NTM: variants seen among roughly 807,000 people sequenced by gnomAD.
NTM encodes the protein IgLON family member 2.
Under a neutral mutation model 42.1 loss-of-function variants are expected in NTM, and 13 were observed. That is an observed-to-expected ratio of 0.31 (90% confidence interval 0.20 to 0.49). NTM has a LOEUF of 0.49. Among genes scored for constraint, NTM ranks in the 20% least tolerant of loss-of-function variants. The pLI is 0.99. For synonymous variants in NTM, 187 were observed against 179.2 expected (o/e 1.04, Z -0.35); for missense variants, 373 against 452.8 (o/e 0.82, Z 1.60).
At chr11:132,233,796 T>A (rs1167658372) in intron 4 of NTM, among the ~76,000 whole-genome samples, 3 of 152,230 alleles carry the variant, frequency 2.0e-5, no homozygotes, top group Admixed American at 1.3e-4. Context: ...TGAACACTGT[T>A]ATTAAAATTC....
At chr11:131,914,859 T>C (rs1329316445) in intron 2 of NTM, among the ~76,000 whole-genome samples, 4 of 152,198 alleles carry the variant, frequency 2.6e-5, no homozygotes, top group Non-Finnish European at 1.5e-5. Flanking sequence ...TTTAATAATA[T>C]CTCACCTATC....
At chr11:132,286,416 G>C (rs902001942) in intron 4 of NTM, among the ~76,000 whole-genome samples, 9 of 152,152 alleles carry the variant, frequency 5.9e-5, no homozygotes, top group African/African-American at 1.7e-4. Flanking sequence ...CTGAATGAAG[G>C]ATTGAAAGAT....
At chr11:131,379,327 A>G (rs1256587925) in intron 1 of NTM, among the ~76,000 whole-genome samples, 1 of 152,216 alleles carries the variant, frequency 6.6e-6, no homozygotes, top group Non-Finnish European at 1.5e-5. Flanking sequence ...TCAGGAAGAC[A>G]GGAGGATGGG....
At chr11:131,893,189 G>T (rs1471998651) in intron 1 of NTM, among the ~76,000 whole-genome samples, 1 of 152,108 alleles carries the variant, frequency 6.6e-6, no homozygotes, top group Non-Finnish European at 1.5e-5. Flanking sequence ...AATTATTTTG[G>T]GTGCTCAATT....
intron 2 of NTM, among the ~76,000 whole-genome samples, chr11:131,926,175 C>T (rs547682884): frequency 2.0e-5 from 3 of 152,240 alleles, no homozygotes; most frequent in South Asian, 2.1e-4. Flanking sequence ...AGGCATTCCT[C>T]GCTGACGATG....
chr11:131,598,571 A>G (rs966022113), intron 1 of NTM, among the ~76,000 whole-genome samples: 3 of 152,018 alleles, frequency 2.0e-5, no homozygotes, highest in Non-Finnish European at 4.4e-5. Context: ...TCCATTAGTC[A>G]CTGGGGTCCC....
intron 2 of NTM, among the ~76,000 whole-genome samples, chr11:131,971,009 C>T (rs1207916823): frequency 1.3e-5 from 2 of 152,138 alleles, no homozygotes; most frequent in African/African-American, 4.8e-5. Flanking sequence ...TTCCAATTCC[C>T]CTCTAACCCA....
At chr11:132,082,729 G>A (rs188225209) in intron 2 of NTM, among the ~76,000 whole-genome samples, 7 of 152,344 alleles carry the variant, frequency 4.6e-5, no homozygotes, top group Middle Eastern at 3.4e-3. Flanking sequence ...CTGACAGGGG[G>A]CACTGTTTGG....
chr11:131,661,104 C>G, intron 1 of NTM: 3 of 1,237,794 alleles, frequency 2.4e-6, no homozygotes, highest in Admixed American at 2.3e-5. Context: ...GGGTCTTCCC[C>G]CTAGATTCGG....
chr11:132,232,598 C>G (rs1321897743), intron 4 of NTM, among the ~76,000 whole-genome samples: 1 of 152,194 alleles, frequency 6.6e-6, no homozygotes, highest in Non-Finnish European at 1.5e-5. Context: ...TGACTCTTAA[C>G]AAACCAATTA....
chr11:132,007,065 G>T (rs2070960673), intron 2 of NTM, among the ~76,000 whole-genome samples: 1 of 152,160 alleles, frequency 6.6e-6, no homozygotes, highest in African/African-American at 2.4e-5. Flanking sequence ...CTGCCCCACT[G>T]GGGGTTCCTG....
At chr11:131,802,762 G>C (rs7924373) in intron 1 of NTM, among the ~76,000 whole-genome samples, 2,358 of 152,322 alleles carry the variant, frequency 0.015, 46 homozygotes, top group African/African-American at 0.053. Flanking sequence ...CAAATAGTCA[G>C]AGCCTGAGAA....
chr11:132,129,081 C>T (rs908782404), intron 2 of NTM, among the ~76,000 whole-genome samples: 5 of 151,750 alleles, frequency 3.3e-5, no homozygotes, highest in Non-Finnish European at 7.4e-5. Context: ...TAGAAAGTGC[C>T]GCTGGAAAAG....
chr11:132,018,787 G>A (rs571426431), intron 2 of NTM, among the ~76,000 whole-genome samples: 1 of 152,116 alleles, frequency 6.6e-6, no homozygotes, highest in Admixed American at 6.5e-5. Flanking sequence ...AGTTTGTGAA[G>A]TATTGACATG....
intron 1 of NTM, among the ~76,000 whole-genome samples, chr11:131,392,189 C>T (rs757336530): frequency 1.4e-4 from 22 of 152,318 alleles, no homozygotes; most frequent in Non-Finnish European, 2.6e-4. Flanking sequence ...TGTTTCAATA[C>T]GCATTGACTC....
At chr11:131,541,186 C>T (rs1212637104) in intron 1 of NTM, among the ~76,000 whole-genome samples, 9 of 152,168 alleles carry the variant, frequency 5.9e-5, no homozygotes, top group East Asian at 1.9e-4. Flanking sequence ...CCCGTCCTGC[C>T]TCGAAACAAA....
At chr11:131,541,519 T>C (rs73574295) in intron 1 of NTM, among the ~76,000 whole-genome samples, 6,302 of 152,248 alleles carry the variant, frequency 0.041, 455 homozygotes, top group African/African-American at 0.14. Flanking sequence ...TTGTGAGCTA[T>C]GTAAAGTCAG....
intron 2 of NTM, among the ~76,000 whole-genome samples, chr11:132,052,997 G>A (rs1474836126): frequency 6.6e-6 from 1 of 152,068 alleles, no homozygotes; most frequent in Non-Finnish European, 1.5e-5. Flanking sequence ...TGCTTTTGTA[G>A]TGCTACCCAT....
intron 2 of NTM, among the ~76,000 whole-genome samples, chr11:131,961,726 A>AG (rs2062199410): frequency 6.6e-6 from 1 of 152,118 alleles, no homozygotes; most frequent in Admixed American, 6.5e-5. Flanking sequence ...TAGCCCTGAG[A>AG]GGGGGTCAAA....
Sources: gnomAD v4.1 joint callset for allele counts (sites outside exome capture counted in the v4.1 genomes callset) on GRCh38, gnomAD v4.1.1 for gene constraint, MANE v1.5 for transcripts, NCBI Gene and HGNC (gene_info 2026-07-23, HGNC 2026-07-21) for gene names.